Variants in SPINDOC observed in about 807,000 individuals in gnomAD.
SPINDOC encodes the protein spindlin interactor and repressor of chromatin binding, also known as spindlin interactor and repressor of chromatin-binding protein.
A neutral mutation model predicts 30.7 loss-of-function variants in SPINDOC; 13 were observed. The observed-to-expected ratio is 0.42, with a 90% CI of 0.28 to 0.67. The LOEUF is 0.67. Ranked by LOEUF, SPINDOC falls within the 30% of genes least tolerant of loss-of-function variation. The pLI is 0.22. For synonymous variants in SPINDOC, 228 were observed against 211.4 expected, an observed-to-expected ratio of 1.08 and a Z score of -0.68; for missense variants, 438 against 518.0, an observed-to-expected ratio of 0.85 and a Z score of 1.50.
At chr11:63,819,211 T>A (rs898096814) in intron 5 of SPINDOC, among the ~76,000 whole-genome samples, 15 of 152,196 alleles carry the variant, frequency 9.9e-5, no homozygotes, top group African/African-American at 3.6e-4. Context: ...CTTTTCTTTT[T>A]CTGTTTGTTT....
In SPINDOC at chr11:63,818,913, C is replaced by T. The variant is rs1229724985; in HGVS notation, c.845C>T (p.Thr282Ile). 6.2e-7 allele frequency: 1 copy of T among 1,614,196 alleles called. No individual in the cohort carries two copies. Among genetic ancestry groups the T allele is most frequent in the East Asian group, 2.2e-5 (1 of 44,880 alleles). Residue 282 changes from threonine (T) to isoleucine (I), a missense_variant, in exon 5 of 6, where the codon ACC (threonine) becomes ATC (isoleucine). Around this residue, in one of 3 missense-constraint regions of SPINDOC, gnomAD observed 300 missense variants for 332.8 expected, o/e 0.90. Coordinates refer to ENST00000294244, the MANE Select transcript of SPINDOC (RefSeq NM_138471.3). This position sits in a 1 kb window ranked among gnomAD's most constrained non-coding sequence, Gnocchi z 5.3. ...TTCGTCTTGCAGCTCTTCTCCCACA[C>T]CCAGCTCAGGGGCCCAGACAGCAAG... ...AGFVLQLFSHTQLRGPDSKDS... is the reference protein window; with the variant it reads ...AGFVLQLFSHIQLRGPDSKDS...
rs77073195 is a variant in SPINDOC, at chr11:63,818,259, C to T, written c.501C>T (p.Asp167=). The T allele has an allele frequency of 6.8e-5, 110 of 1,614,070 alleles. No homozygotes were observed. In the East Asian group the frequency reaches 1.5e-3, roughly 22 times the overall value. The change falls in exon 3 of 6, where the codon GAC becomes GAT. Residue 167 remains aspartate (D), a synonymous_variant. Coordinates refer to ENST00000294244, the MANE Select transcript of SPINDOC (RefSeq NM_138471.3). This position sits in a 1 kb window ranked among gnomAD's most constrained non-coding sequence, Gnocchi z 5.3. ...DAHPDPDANP[D]AARMPAEIVV... ...ACCCAGACCCAGACGCCAACCCAGA[C>T]GCTGCCAGAATGCCAGCCGAAATCG...
intron 5 of SPINDOC, among the ~76,000 whole-genome samples, chr11:63,826,468 C>G (rs72932302): frequency 6.6e-6 from 1 of 152,146 alleles, no homozygotes; most frequent in Non-Finnish European, 1.5e-5. Flanking sequence ...CTGTCCCCCA[C>G]GTAGTCCCTC....
intron 1 of SPINDOC, among the ~76,000 whole-genome samples, 178 bp downstream of exon 1, chr11:63,813,991 A>G (rs776170406): frequency 2.6e-5 from 4 of 152,102 alleles, no homozygotes; most frequent in Non-Finnish European, 4.4e-5. Context: ...ACCATGGTTT[A>G]GAAGCTCAGG....
In SPINDOC at chr11:63,827,395, C is replaced by A; in HGVS notation, c.*256C>A. On this transcript the variant is annotated 3_prime_UTR_variant, in exon 6 of 6. Coordinates refer to ENST00000294244, the MANE Select transcript of SPINDOC (RefSeq NM_138471.3). ...CCTGTGGAGAACACCTACCCCAGTC[C>A]TTCGCTGACCCCCACCTCTGTTTGT... The A allele has an allele frequency of 1.7e-6, 1 of 574,414 alleles. No homozygotes were observed. Among genetic ancestry groups the A allele is most frequent in the Non-Finnish European group, 3.1e-6 (1 of 324,210 alleles). The allele number at this position is 574,414 out of a possible 1,614,324, so 35.6% of individuals were successfully genotyped here. A position where few individuals can be genotyped will look rare whatever the true frequency, so the allele number is the denominator to read the frequency against.
chr11:63,819,028 A>T, intron 5 of SPINDOC, 26 bp downstream of exon 5: 1 of 1,410,664 alleles, frequency 7.1e-7, no homozygotes, highest in South Asian at 1.1e-5. Flanking sequence ...AGGGAAGCAC[A>T]GTAGGGACCT....
intron 1 of SPINDOC, among the ~76,000 whole-genome samples, chr11:63,814,444 A>G (rs933996418): frequency 1.4e-4 from 21 of 152,166 alleles, no homozygotes; most frequent in African/African-American, 5.1e-4. Flanking sequence ...CAGTGCTAGA[A>G]CGAGATTAGC....
rs557206463 is a variant in SPINDOC at position 63,827,344 on chromosome 11, A to AG, written c.*207dup. 305 of 899,122 alleles carry AG rather than the reference A, an allele frequency of 3.4e-4. 1 individual carries two copies. The African/African-American group carries it at 4.7e-3, about 14-fold the overall frequency. The allele number at this position is 899,122 out of a possible 1,614,324, so 55.7% of individuals were successfully genotyped here. A position where few individuals can be genotyped will look rare whatever the true frequency, so the allele number is the denominator to read the frequency against. ...GGCCTGAGGTCGGCGAGGGTGGCTG[A>AG]GGCTGTTGTGCAGTAGGGCACTGGG... On this transcript the variant is annotated 3_prime_UTR_variant, in exon 6 of 6. Coordinates refer to ENST00000294244, the MANE Select transcript of SPINDOC (RefSeq NM_138471.3).
chr11:63,813,945 G>A, intron 1 of SPINDOC, 132 bp downstream of exon 1: 1 of 1,203,356 alleles, frequency 8.3e-7, no homozygotes, highest in Non-Finnish European at 1.1e-6. Context: ...TTTCCCTCTC[G>A]GATCTGGGTC....
chr11:63,813,913 C>T (rs2015266771), intron 1 of SPINDOC, 100 bp downstream of exon 1: 3 of 1,365,366 alleles, frequency 2.2e-6, no homozygotes, highest in Admixed American at 3.3e-5. Flanking sequence ...CCTTCTCACC[C>T]CCTTCAGCCT....
chr11:63,819,469 G>A (rs868066145), intron 5 of SPINDOC, among the ~76,000 whole-genome samples: 1 of 149,496 alleles, frequency 6.7e-6, no homozygotes, highest in South Asian at 2.1e-4. Flanking sequence ...CCTTGGCCTC[G>A]CAAAGTACAC....
At chr11:63,816,043 G>T (rs1337308394) in intron 1 of SPINDOC, among the ~76,000 whole-genome samples, 1 of 152,180 alleles carries the variant, frequency 6.6e-6, no homozygotes, top group African/African-American at 2.4e-5. Flanking sequence ...CTAGGATTCA[G>T]GCGTGAGCCA....
At position 63,818,952 on chromosome 11, in the gene SPINDOC, A is replaced by G. The variant is rs766551295; in HGVS notation, c.884A>G (p.Asp295Gly). 8 of 1,614,124 alleles carry G rather than the reference A, an allele frequency of 5.0e-6. No individual in the cohort carries two copies. The highest frequency in any genetic ancestry group is 2.2e-5 in the East Asian group (1 of 44,866). Residue 295 changes from aspartate to glycine, a missense_variant, in exon 5 of 6, where the codon GAC becomes GGC. Asp to Gly is a moderately conservative substitution (Grantham distance 94). Transcript: ENST00000294244. This position sits in a 1 kb window ranked among gnomAD's most constrained non-coding sequence, Gnocchi z 5.3. ...CCAGACAGCAAGGACTCACCCAAAG[A>G]CAGGGAAGTGGCAGAAGGAGGCCTT... is the stretch of plus-strand genomic sequence containing the variant. ...RGPDSKDSPK[D>G]REVAEGGLPR... is the part of the protein sequence containing the mutation.
chr11:63,817,814 A>G lies in SPINDOC; in HGVS notation c.137A>G (p.Gln46Arg). Reference protein sequence around the residue: ...RPEPMLRVTQQEKTPPPRPSP... With the variant: ...RPEPMLRVTQREKTPPPRPSP... ...CCCTCTCCCCTCGCAGTGACCCAACAGGAGAAGACCCCACCGCCTAGACCC... is the reference window on the plus strand; with the variant it reads ...CCCTCTCCCCTCGCAGTGACCCAACGGGAGAAGACCCCACCGCCTAGACCC... The change falls in exon 2 of 6, where the codon CAG becomes CGG. Residue 46 changes from glutamine to arginine, a missense_variant. Gln to Arg is a conservative substitution (Grantham distance 43). Transcript: ENST00000294244. 6.3e-7 allele frequency: 1 copy of G among 1,584,596 alleles called. No individual in the cohort carries two copies. The highest frequency in any genetic ancestry group is 8.6e-7 in the Non-Finnish European group (1 of 1,164,918).
intron 5 of SPINDOC, 83 bp downstream of exon 5, chr11:63,819,085 C>A: frequency 4.0e-6 from 2 of 499,416 alleles, no homozygotes; most frequent in Non-Finnish European, 6.4e-6. Context: ...TGCTCTATGG[C>A]AGAGCCCACA....
intron 5 of SPINDOC, among the ~76,000 whole-genome samples, chr11:63,826,458 C>A (rs2015657844): frequency 6.6e-6 from 1 of 152,148 alleles, no homozygotes; most frequent in African/African-American, 2.4e-5. Flanking sequence ...GGGGTCTTTT[C>A]TGTCCCCCAC....
chr11:63,826,133 T>C (rs1235483790), intron 5 of SPINDOC, among the ~76,000 whole-genome samples: 1 of 152,030 alleles, frequency 6.6e-6, no homozygotes, highest in Non-Finnish European at 1.5e-5. Context: ...AAAGGGGTTC[T>C]CCATGTTAGC....
At chr11:63,815,599 G>A (rs1404768003) in intron 1 of SPINDOC, among the ~76,000 whole-genome samples, 1 of 152,190 alleles carries the variant, frequency 6.6e-6, no homozygotes, top group Non-Finnish European at 1.5e-5. Flanking sequence ...GGAAGAGAAG[G>A]AAGTAGAGAA....
intron 5 of SPINDOC, among the ~76,000 whole-genome samples, chr11:63,820,169 G>A (rs544696163): frequency 6.6e-6 from 1 of 151,994 alleles, no homozygotes; most frequent in South Asian, 2.1e-4. Flanking sequence ...AGGCTGAGGC[G>A]GGCAGATCAC....
Sources: allele counts gnomAD v4.1 joint callset (sites outside exome capture counted in the v4.1 genomes callset), GRCh38; gene constraint gnomAD v4.1.1; regional missense constraint gnomAD v4.1.1; non-coding constraint Gnocchi (gnomAD v3.1); transcripts MANE v1.5; gene names NCBI Gene and HGNC (gene_info 2026-07-23, HGNC 2026-07-21).